Variants in ROBO1 observed in about 807,000 individuals in gnomAD.
The protein encoded by ROBO1 is roundabout homolog 1.
ROBO1 carries 149 observed loss-of-function variants against 195.9 expected under a neutral mutation model. That is an observed-to-expected ratio of 0.76 (90% CI 0.67 to 0.87). ROBO1 has a LOEUF of 0.87. ROBO1 is among the 40% of genes least tolerant of loss of function. ROBO1 has a pLI of 0.00. For missense variants in ROBO1, 1,933 were observed against 2,068.3 expected (o/e 0.93, Z 1.27); for synonymous variants, 816 against 733.2 (o/e 1.11, Z -1.82).
intron 2 of ROBO1, among the ~76,000 whole-genome samples, chr3:79,527,092 A>C (rs1941463758): frequency 6.6e-6 from 1 of 152,202 alleles, no homozygotes. Context: ...ATATATTTCC[A>C]AACCAATGTG....
At chr3:79,328,678 G>A (rs149122226) in intron 2 of ROBO1, among the ~76,000 whole-genome samples, 2 of 151,978 alleles carry the variant, frequency 1.3e-5, no homozygotes, top group East Asian at 3.9e-4. Context: ...TGGCTATATG[G>A]GTAAGTTCTT....
intron 10 of ROBO1, among the ~76,000 whole-genome samples, chr3:78,681,059 C>T (rs1221866774): frequency 6.6e-6 from 1 of 151,824 alleles, no homozygotes; most frequent in Non-Finnish European, 1.5e-5. Flanking sequence ...TGGAAATCAT[C>T]ATTCTCAGTA....
chr3:79,654,949 C>T (rs181229453), intron 1 of ROBO1, among the ~76,000 whole-genome samples: 1 of 151,946 alleles, frequency 6.6e-6, no homozygotes, highest in East Asian at 1.9e-4. Flanking sequence ...TAATTTTTTC[C>T]CCTTTATGGT....
intron 2 of ROBO1, among the ~76,000 whole-genome samples, chr3:79,547,184 CAAAAAAA>C (rs1162585941): frequency 6.4e-4 from 15 of 23,260 alleles, no homozygotes; most frequent in Admixed American, 9.1e-4. Context: ...GACTCCGCCT[CAAAAAAA>C]AAAAAAAAAA....
At chr3:79,278,614 T>G (rs2031252178) in intron 2 of ROBO1, among the ~76,000 whole-genome samples, 1 of 152,124 alleles carries the variant, frequency 6.6e-6, no homozygotes, top group Admixed American at 6.5e-5. Context: ...CAATAAGTTT[T>G]GCTGGGAAAA....
At chr3:78,766,039 G>GC (rs2083221145) in intron 4 of ROBO1, among the ~76,000 whole-genome samples, 2 of 152,030 alleles carry the variant, frequency 1.3e-5, no homozygotes, top group African/African-American at 4.8e-5. Context: ...GAGCTCAAAG[G>GC]GAAAAAAGTT....
intron 7 of ROBO1, among the ~76,000 whole-genome samples, chr3:78,715,639 C>A (rs2081883952): frequency 6.6e-6 from 1 of 152,196 alleles, no homozygotes; most frequent in African/African-American, 2.4e-5. Context: ...TCAAGCAATT[C>A]TCCTGCCTCA....
intron 2 of ROBO1, among the ~76,000 whole-genome samples, chr3:79,502,561 C>T (rs1221924396): frequency 2.6e-5 from 4 of 152,158 alleles, no homozygotes; most frequent in Non-Finnish European, 4.4e-5. Flanking sequence ...ATCCCCTGCT[C>T]CACAGCTCCC....
chr3:79,374,162 T>C (rs2109348133), intron 2 of ROBO1, among the ~76,000 whole-genome samples: 1 of 152,312 alleles, frequency 6.6e-6, no homozygotes. Flanking sequence ...AATTCGGAGT[T>C]CCTTCCTTTA....
chr3:79,669,401 A>G (rs188864849), intron 1 of ROBO1, among the ~76,000 whole-genome samples: 73 of 151,998 alleles, frequency 4.8e-4, no homozygotes, highest in African/African-American at 1.8e-3. Context: ...GTATGTCTTC[A>G]TCAGCAGCAT....
At chr3:78,933,435 A>G (rs970061842) in intron 4 of ROBO1, among the ~76,000 whole-genome samples, 1 of 152,072 alleles carries the variant, frequency 6.6e-6, no homozygotes, top group Non-Finnish European at 1.5e-5. Context: ...CTTTTTTCCC[A>G]TCAAATACAG....
At chr3:79,203,400 T>G (rs2081805309) in intron 2 of ROBO1, among the ~76,000 whole-genome samples, 1 of 152,208 alleles carries the variant, frequency 6.6e-6, no homozygotes, top group Admixed American at 6.5e-5. Flanking sequence ...ATAGGGTTTA[T>G]CTCTATTAGA....
rs79653300 is a variant in ROBO1, at chr3:79,019,815, G to A, written c.173-80888C>T. 6.4e-3 allele frequency among the ~76,000 whole-genome samples: 976 copies of A among 151,906 alleles called. 40 individuals are homozygous for A. The highest frequency in any genetic ancestry group is 0.052 in the Admixed American group (787 of 15,252). ...CTCTTCCTTGCCGCTTCCAGGAATT[G>A]GAATAAACTCTCAACTCCACTCTCA... On this transcript the variant is annotated intron_variant, in intron 3 of 30. Coordinates refer to ENST00000464233, the MANE Select transcript of ROBO1 (RefSeq NM_002941.4).
intron 2 of ROBO1, among the ~76,000 whole-genome samples, chr3:79,486,223 T>G (rs2107418036): frequency 6.6e-6 from 1 of 152,176 alleles, no homozygotes; most frequent in East Asian, 1.9e-4. Context: ...ATTTTTTATT[T>G]TATATTGTAT....
rs575277565 is a variant in ROBO1, at chr3:79,032,324, A to G, written c.172+93132T>C. On this transcript the variant is annotated intron_variant, in intron 3 of 30. Transcript: ENST00000464233. The stretch of plus-strand genomic sequence containing the variant: ...AGATTTTTATCAAGATTTTTCTTCC[A>G]TTGCACATTATACTAAATCCCACAT... Among the ~76,000 whole-genome samples the G allele has an allele frequency of 3.9e-4, 59 of 152,066 alleles. 3 individuals are homozygous for G. Among genetic ancestry groups the G allele is most frequent in the Admixed American group, 3.7e-3 (56 of 15,266 alleles).
At chr3:78,849,668 A>G (rs906609945) in intron 4 of ROBO1, among the ~76,000 whole-genome samples, 3 of 152,166 alleles carry the variant, frequency 2.0e-5, no homozygotes, top group Non-Finnish European at 2.9e-5. Context: ...GCTATGGTAC[A>G]TAAGATGTAA....
chr3:79,653,382 A>G (rs1946070049), intron 1 of ROBO1, among the ~76,000 whole-genome samples: 1 of 151,928 alleles, frequency 6.6e-6, no homozygotes, highest in African/African-American at 2.4e-5. Flanking sequence ...GTTCAAGTTC[A>G]TTTCCCAGAA....
At chr3:78,663,330 G>GA (rs113685024) in intron 14 of ROBO1, among the ~76,000 whole-genome samples, 7,196 of 148,598 alleles carry the variant, frequency 0.048, 501 homozygotes, top group African/African-American at 0.15. Flanking sequence ...TAAGCAAGAT[G>GA]AAAAAAAAAC....
chr3:78,748,624 T>C (rs1033614306), intron 4 of ROBO1, among the ~76,000 whole-genome samples: 3 of 152,108 alleles, frequency 2.0e-5, no homozygotes, highest in African/African-American at 7.2e-5. Flanking sequence ...AGCTGTTCTT[T>C]CAAAAATCAC....
Sources: allele counts gnomAD v4.1 joint callset (sites outside exome capture counted in the v4.1 genomes callset), GRCh38; gene constraint gnomAD v4.1.1; transcripts MANE v1.5; gene names NCBI Gene and HGNC (gene_info 2026-07-23, HGNC 2026-07-21).